Variants in RB1 observed in about 807,000 individuals in gnomAD.
RB1 encodes RB transcriptional corepressor 1, also known as retinoblastoma-associated protein.
In RB1, 18 loss-of-function variants were observed where a neutral mutation model predicts 135.4. The observed-to-expected ratio is 0.13, with a 90% CI of 0.09 to 0.20. The LOEUF (loss-of-function observed/expected upper bound fraction) is 0.20. Among genes scored for constraint, RB1 ranks in the 10% least tolerant of loss-of-function variants. RB1 has a pLI of 1.00. For missense variants in RB1, 868 were observed against 1,110.0 expected (o/e 0.78, Z 3.10); for synonymous variants, 365 against 373.2 (o/e 0.98, Z 0.25).
intron 20 of RB1, among the ~76,000 whole-genome samples, chr13:48,461,812 G>A (rs188021610): frequency 2.6e-5 from 4 of 151,912 alleles, no homozygotes; most frequent in Admixed American, 6.6e-5. Context: ...CTATCAGACC[G>A]TTTGCCCATT....
chr13:48,411,708 C>A (rs774727486), intron 17 of RB1: 2 of 1,606,280 alleles, frequency 1.2e-6, no homozygotes, highest in Non-Finnish European at 1.7e-6. Context: ...AAAACAGAAA[C>A]AGAATATGAT....
chr13:48,433,570 A>G (rs1239636268), intron 17 of RB1, among the ~76,000 whole-genome samples: 1 of 152,144 alleles, frequency 6.6e-6, no homozygotes, highest in East Asian at 1.9e-4. Flanking sequence ...GATAGACTGT[A>G]TTTAAATGAA....
chr13:48,450,878 T>C (rs1709260875), intron 17 of RB1, among the ~76,000 whole-genome samples: 1 of 152,084 alleles, frequency 6.6e-6, no homozygotes, highest in Non-Finnish European at 1.5e-5. Context: ...TTGTGGTTGT[T>C]GAAGAGGCCC....
chr13:48,478,551 A>G (rs1193720926), intron 26 of RB1, among the ~76,000 whole-genome samples: 1 of 152,196 alleles, frequency 6.6e-6, no homozygotes, highest in Non-Finnish European at 1.5e-5. Flanking sequence ...AAAAACATGT[A>G]TATTTTCTTA....
rs143704535 is a variant in RB1 at position 48,445,589 on chromosome 13, A to G, written c.1696-7404A>G. ...AAGCACAGCCTCCTTCTCACATTTC[A>G]AGACTCAGCGTCCATGTTACCTTCC... is the stretch of plus-strand genomic sequence containing the variant. On this transcript the variant is annotated intron_variant, in intron 17 of 26. Coordinates refer to ENST00000267163, the MANE Select transcript of RB1 (RefSeq NM_000321.3). Among the ~76,000 whole-genome samples the G allele has an allele frequency of 1.1e-3, 163 of 152,108 alleles. 3 individuals are homozygous for G. In the East Asian group the frequency reaches 0.029, roughly 27 times the overall value.
At chr13:48,365,088 G>A (rs1952682047) in intron 9 of RB1, 117 bp downstream of exon 9, 1 of 1,270,592 alleles carries the variant, frequency 7.9e-7, no homozygotes, top group Non-Finnish European at 1.0e-6. Context: ...TGCCCAAGAA[G>A]AATCTAGCCA....
chr13:48,368,414 TATC>T (rs1952725379), intron 10 of RB1, 110 bp from the exon 11 acceptor site: 10 of 1,373,106 alleles, frequency 7.3e-6, no homozygotes, highest in Non-Finnish European at 1.0e-5. Flanking sequence ...ATTATTGAGT[TATC>T]ATTTTATATG....
intron 2 of RB1, among the ~76,000 whole-genome samples, chr13:48,323,759 AT>A (rs1414239110): frequency 6.6e-6 from 1 of 152,122 alleles, no homozygotes; most frequent in East Asian, 1.9e-4. Context: ...ATGAGGAACC[AT>A]GGAAGAAATC....
chr13:48,362,787 GTTC>G (rs1952654728), intron 7 of RB1, 25 bp from the exon 8 acceptor site: 2 of 1,602,690 alleles, frequency 1.2e-6, no homozygotes, highest in Non-Finnish European at 1.7e-6. Flanking sequence ...ATGTACAATT[GTTC>G]TTATCTAATT....
At chr13:48,352,273 AG>A (rs1277876029) in intron 6 of RB1, among the ~76,000 whole-genome samples, 1 of 152,024 alleles carries the variant, frequency 6.6e-6, no homozygotes, top group Admixed American at 6.6e-5. Context: ...TATAGTCTGA[AG>A]TTGGATAATG....
chr13:48,386,277 G>A (rs753008350), intron 17 of RB1, among the ~76,000 whole-genome samples: 22 of 152,120 alleles, frequency 1.4e-4, no homozygotes, highest in Non-Finnish European at 2.5e-4. Context: ...ACATCATAGA[G>A]TGTGCTTACA....
At chr13:48,373,989 C>T (rs936737414) in intron 12 of RB1, among the ~76,000 whole-genome samples, 4 of 152,086 alleles carry the variant, frequency 2.6e-5, no homozygotes, top group Non-Finnish European at 5.9e-5. Context: ...ATTAAGAAGT[C>T]TTATGCCACT....
intron 2 of RB1, chr13:48,316,925 A>G: frequency 2.7e-6 from 1 of 366,380 alleles, no homozygotes; most frequent in South Asian, 3.6e-5. Flanking sequence ...CACTGGCGTC[A>G]CTAACCAAGG....
chr13:48,442,210 T>TA (rs1949244431), intron 17 of RB1, among the ~76,000 whole-genome samples: 2 of 147,074 alleles, frequency 1.4e-5, no homozygotes, highest in African/African-American at 4.9e-5. Flanking sequence ...AATTTTATTT[T>TA]TTTTTTTTGA....
intron 13 of RB1, 37 bp from the exon 14 acceptor site, chr13:48,379,557 A>C (rs1948513300): frequency 1.3e-6 from 2 of 1,599,478 alleles, no homozygotes; most frequent in Non-Finnish European, 1.7e-6. Context: ...ATTTTCTAAA[A>C]TAGCAGGCTC....
chr13:48,304,110 GGGCGCCAA>G, intron 1 of RB1, 61 bp downstream of exon 1: 1 of 1,332,588 alleles, frequency 7.5e-7, no homozygotes, highest in Non-Finnish European at 9.5e-7. Context: ...TGCGTAGGGC[GGGCGCCAA>G]GGCGGCTCGG....
At chr13:48,337,472 G>A (rs540650723) in intron 2 of RB1, among the ~76,000 whole-genome samples, 5 of 152,236 alleles carry the variant, frequency 3.3e-5, no homozygotes, top group South Asian at 4.1e-4. Flanking sequence ...TTGGTTTAAC[G>A]TCTGTTTTAT....
intron 5 of RB1, among the ~76,000 whole-genome samples, chr13:48,348,585 A>G (rs561148530): frequency 6.6e-6 from 1 of 151,846 alleles, no homozygotes; most frequent in East Asian, 1.9e-4. Flanking sequence ...ATGTTATAAC[A>G]TACTATGTTT....
intron 17 of RB1, among the ~76,000 whole-genome samples, chr13:48,426,279 G>C (rs1949078311): frequency 6.6e-6 from 1 of 152,116 alleles, no homozygotes; most frequent in Non-Finnish European, 1.5e-5. Flanking sequence ...TAGAAATAAA[G>C]GTTATGTTGT....
Sources: gnomAD v4.1 joint callset for allele counts (sites outside exome capture counted in the v4.1 genomes callset) on GRCh38, gnomAD v4.1.1 for gene constraint, MANE v1.5 for transcripts, NCBI Gene and HGNC (gene_info 2026-07-23, HGNC 2026-07-21) for gene names.